Variants in RANBP17 observed in about 807,000 individuals in gnomAD.
RANBP17 encodes ran-binding protein 17.
A neutral mutation model predicts 141.2 loss-of-function variants in RANBP17; 158 were observed. The ratio of observed to expected loss-of-function variants is 1.12; its 90% confidence interval spans 0.98 to 1.28. The LOEUF is 1.28. Among genes scored for constraint, RANBP17 ranks in the 50% most tolerant of loss-of-function variants. The pLI is 0.00. For missense variants in RANBP17, 1,438 were observed against 1,290.7 expected (o/e 1.11, Z -1.75); for synonymous variants, 430 against 450.0 (o/e 0.96, Z 0.56).
At chr5:170,920,984 G>A (rs1335861368) in intron 11 of RANBP17, among the ~76,000 whole-genome samples, 3 of 152,106 alleles carry the variant, frequency 2.0e-5, no homozygotes, top group East Asian at 3.9e-4. Context: ...TAGATTCTGG[G>A]TATTAGCCTT....
At chr5:171,192,047 A>G (rs900404195) in intron 18 of RANBP17, among the ~76,000 whole-genome samples, 2 of 152,244 alleles carry the variant, frequency 1.3e-5, no homozygotes, top group Non-Finnish European at 2.9e-5. Context: ...ATTTGTTCTT[A>G]TGCCTAATAA....
chr5:171,217,819 T>C (rs970472528), intron 21 of RANBP17, among the ~76,000 whole-genome samples: 3 of 152,212 alleles, frequency 2.0e-5, no homozygotes, highest in African/African-American at 7.2e-5. Context: ...GGTCCATCTA[T>C]TTTGTTAATT....
chr5:170,995,345 T>C (rs1422551525), intron 14 of RANBP17, among the ~76,000 whole-genome samples: 1 of 152,200 alleles, frequency 6.6e-6, no homozygotes, highest in African/African-American at 2.4e-5. Context: ...GTGTGGTTTT[T>C]ACTTTCAAAG....
intron 14 of RANBP17, among the ~76,000 whole-genome samples, chr5:171,049,147 T>A (rs1399103561): frequency 6.6e-6 from 1 of 152,208 alleles, no homozygotes; most frequent in Non-Finnish European, 1.5e-5. Context: ...CATGTATTAT[T>A]TTTTGACTTT....
intron 21 of RANBP17, among the ~76,000 whole-genome samples, chr5:171,217,569 C>T (rs566413838): frequency 2.0e-5 from 3 of 152,200 alleles, no homozygotes; most frequent in Non-Finnish European, 2.9e-5. Flanking sequence ...TTAATTACTG[C>T]CTCAATTTCA....
At chr5:170,973,332 C>A (rs114959306) in intron 14 of RANBP17, among the ~76,000 whole-genome samples, 58 of 152,188 alleles carry the variant, frequency 3.8e-4, no homozygotes, top group African/African-American at 1.3e-3. Context: ...ATGCAAAAAT[C>A]AATTTCTAGT....
chr5:171,184,920 T>C (rs1191340840), intron 18 of RANBP17, among the ~76,000 whole-genome samples: 1 of 152,178 alleles, frequency 6.6e-6, no homozygotes, highest in Non-Finnish European at 1.5e-5. Flanking sequence ...CCCAGCACTT[T>C]GGGAGGCTGA....
Position 170,977,005 on chromosome 5 carries a change from T to C in RANBP17, c.1710+8628T>C, listed in dbSNP as rs186393026. Among the ~76,000 whole-genome samples, 216 of 152,204 alleles carry C rather than the reference T, an allele frequency of 1.4e-3. 1 individual carries two copies. Among genetic ancestry groups the C allele is most frequent in the Non-Finnish European group, 2.5e-3 (171 of 67,942 alleles). ...GAAAAAGATACATTGGACTTCATCA[T>C]TTAAAAACTTTTGTACTTCAGAGGA... On this transcript the variant is annotated intron_variant, in intron 14 of 27. Coordinates refer to ENST00000523189, the MANE Select transcript of RANBP17 (RefSeq NM_022897.5).
At chr5:171,287,228 C>T (rs543785161) in intron 25 of RANBP17, among the ~76,000 whole-genome samples, 2 of 152,178 alleles carry the variant, frequency 1.3e-5, no homozygotes, top group South Asian at 2.1e-4. Context: ...CAGTGGCTCA[C>T]GCCTGTAATC....
intron 25 of RANBP17, among the ~76,000 whole-genome samples, chr5:171,279,480 A>G (rs1468697717): frequency 2.0e-5 from 3 of 152,210 alleles, no homozygotes; most frequent in Non-Finnish European, 4.4e-5. Context: ...CAACCTTTTT[A>G]TAAAGAACCA....
chr5:170,938,394 A>G (rs1400437368), intron 12 of RANBP17, among the ~76,000 whole-genome samples: 3 of 152,230 alleles, frequency 2.0e-5, no homozygotes, highest in African/African-American at 7.2e-5. Flanking sequence ...ACAAGTGTTC[A>G]TAGTAAACAA....
At chr5:171,142,134 C>G (rs909620823) in intron 14 of RANBP17, among the ~76,000 whole-genome samples, 1 of 152,090 alleles carries the variant, frequency 6.6e-6, no homozygotes, top group Non-Finnish European at 1.5e-5. Context: ...CTACCTGTTA[C>G]GGGCATGAGT....
chr5:170,931,794 G>C (rs1294901201), intron 12 of RANBP17, among the ~76,000 whole-genome samples: 1 of 152,122 alleles, frequency 6.6e-6, no homozygotes, highest in Non-Finnish European at 1.5e-5. Flanking sequence ...GTACCATGCT[G>C]TTTTGGTTAC....
chr5:170,992,129 T>G (rs906528067), intron 14 of RANBP17, among the ~76,000 whole-genome samples: 1 of 151,986 alleles, frequency 6.6e-6, no homozygotes, highest in Non-Finnish European at 1.5e-5. Context: ...TGTAATGAGT[T>G]CAAAAGCTCT....
At chr5:171,024,770 G>T (rs1781121162) in intron 14 of RANBP17, among the ~76,000 whole-genome samples, 1 of 151,554 alleles carries the variant, frequency 6.6e-6, no homozygotes, top group Non-Finnish European at 1.5e-5. Context: ...GTATATTAGG[G>T]CTAGGTTTCA....
At chr5:171,219,196 T>C (rs535673379) in intron 21 of RANBP17, among the ~76,000 whole-genome samples, 2 of 152,352 alleles carry the variant, frequency 1.3e-5, no homozygotes, top group South Asian at 2.1e-4. Flanking sequence ...AATTCTTTTC[T>C]TTAAGAATGT....
At chr5:171,171,432 G>A (rs1190136671) in intron 16 of RANBP17, 146 bp downstream of exon 16, 1 of 489,728 alleles carries the variant, frequency 2.0e-6, no homozygotes, top group East Asian at 3.2e-5. Context: ...GTAAATGCAT[G>A]TTTTTGAAAG....
intron 18 of RANBP17, among the ~76,000 whole-genome samples, chr5:171,191,365 G>A (rs773059096): frequency 6.6e-6 from 1 of 151,792 alleles, no homozygotes; most frequent in East Asian, 1.9e-4. Context: ...CATTAAATAG[G>A]TATTATTCCA....
chr5:171,160,483 A>G (rs905002012), intron 14 of RANBP17, among the ~76,000 whole-genome samples: 1 of 152,170 alleles, frequency 6.6e-6, no homozygotes, highest in African/African-American at 2.4e-5. Flanking sequence ...AACCATTTTA[A>G]TCTCAAAAAT....
Sources: gnomAD v4.1 joint callset for allele counts (sites outside exome capture counted in the v4.1 genomes callset) on GRCh38, gnomAD v4.1.1 for gene constraint, MANE v1.5 for transcripts, NCBI Gene and HGNC (gene_info 2026-07-23, HGNC 2026-07-21) for gene names.